The following TMEM132D variants were observed in gnomAD, a reference collection of about 807,000 sequenced individuals.
The protein encoded by TMEM132D is transmembrane protein 132D.
A neutral mutation model predicts 62.3 loss-of-function variants in TMEM132D; 21 were observed. The ratio of observed to expected loss-of-function variants is 0.34; its 90% CI spans 0.24 to 0.49. The LOEUF is 0.49. Among genes scored for constraint, TMEM132D ranks in the 20% least tolerant of loss-of-function variants. The pLI is 0.99. For missense variants in TMEM132D, 1,346 were observed against 1,402.8 expected (o/e 0.96, Z 0.65); for synonymous variants, 621 against 575.6 (o/e 1.08, Z -1.13).
chr12:129,746,595 G>A (rs1869786253), intron 1 of TMEM132D, among the ~76,000 whole-genome samples: 1 of 152,260 alleles, frequency 6.6e-6, no homozygotes, highest in East Asian at 1.9e-4. Context: ...TCTCAGCAAA[G>A]AAATGCTATT....
At chr12:129,648,293 G>A (rs1461366153) in intron 2 of TMEM132D, among the ~76,000 whole-genome samples, 1 of 152,022 alleles carries the variant, frequency 6.6e-6, no homozygotes, top group Non-Finnish European at 1.5e-5. Context: ...TTCAGTGCAG[G>A]AGGACAGCTT....
chr12:129,319,387 G>T (rs1437386560), intron 4 of TMEM132D, among the ~76,000 whole-genome samples: 1 of 152,184 alleles, frequency 6.6e-6, no homozygotes, highest in African/African-American at 2.4e-5. Flanking sequence ...TCCAGTGGGG[G>T]TGTGTGTTTG....
intron 1 of TMEM132D, among the ~76,000 whole-genome samples, chr12:129,896,301 C>G (rs1210044649): frequency 6.6e-6 from 1 of 152,056 alleles, no homozygotes; most frequent in East Asian, 1.9e-4. Flanking sequence ...ACTTTCCTGT[C>G]TCGTGCCTTC....
chr12:129,564,976 G>T (rs1472637314), intron 2 of TMEM132D, among the ~76,000 whole-genome samples: 1 of 152,186 alleles, frequency 6.6e-6, no homozygotes, highest in Non-Finnish European at 1.5e-5. Context: ...TATGCAGGAA[G>T]AAATGCCCCC....
At chr12:129,300,245 A>G (rs1437157562) in intron 4 of TMEM132D, among the ~76,000 whole-genome samples, 1 of 152,210 alleles carries the variant, frequency 6.6e-6, no homozygotes, top group Non-Finnish European at 1.5e-5. Flanking sequence ...ACACTCAGAG[A>G]AGTGATTAAC....
intron 3 of TMEM132D, among the ~76,000 whole-genome samples, chr12:129,443,185 G>A (rs1393403663): frequency 6.6e-6 from 1 of 152,086 alleles, no homozygotes. Flanking sequence ...TTGCTTCCAA[G>A]GGTAAAACCC....
intron 2 of TMEM132D, among the ~76,000 whole-genome samples, chr12:129,673,440 A>C (rs190985119): frequency 9.1e-4 from 139 of 152,322 alleles, no homozygotes; most frequent in Middle Eastern, 3.4e-3. Context: ...TCAATCATAA[A>C]AACTTTTTAC....
intron 3 of TMEM132D, among the ~76,000 whole-genome samples, chr12:129,351,505 G>C (rs1249296631): frequency 6.6e-6 from 1 of 152,168 alleles, no homozygotes; most frequent in Non-Finnish European, 1.5e-5. Context: ...TTTAACAGCG[G>C]CCCAAGAGGG....
intron 2 of TMEM132D, among the ~76,000 whole-genome samples, chr12:129,648,421 A>G (rs1379935659): frequency 6.6e-6 from 1 of 152,182 alleles, no homozygotes; most frequent in Admixed American, 6.5e-5. Context: ...AGACTGATTT[A>G]AGTAATAATA....
chr12:129,885,886 C>T (rs1874736601), intron 1 of TMEM132D, among the ~76,000 whole-genome samples: 1 of 152,168 alleles, frequency 6.6e-6, no homozygotes, highest in Non-Finnish European at 1.5e-5. Context: ...TTACTTTGTT[C>T]CATTTTCTCC....
chr12:129,793,723 T>C (rs748063764), intron 1 of TMEM132D, among the ~76,000 whole-genome samples: 32 of 152,342 alleles, frequency 2.1e-4, no homozygotes, highest in Non-Finnish European at 2.6e-4. Flanking sequence ...TTTAAAATTT[T>C]TGTACCATTT....
intron 3 of TMEM132D, among the ~76,000 whole-genome samples, chr12:129,383,158 G>A (rs929657505): frequency 9.9e-5 from 15 of 152,174 alleles, no homozygotes; most frequent in Admixed American, 2.6e-4. Context: ...ACTGTCGTGT[G>A]CACCATCAAC....
At chr12:129,437,051 A>G (rs1872805437) in intron 3 of TMEM132D, among the ~76,000 whole-genome samples, 1 of 152,028 alleles carries the variant, frequency 6.6e-6, no homozygotes, top group South Asian at 2.1e-4. Context: ...AACCTCTTGG[A>G]TTTAAGTTGG....
intron 2 of TMEM132D, among the ~76,000 whole-genome samples, chr12:129,695,774 C>T (rs977357885): frequency 2.0e-5 from 3 of 152,180 alleles, no homozygotes; most frequent in East Asian, 3.9e-4. Context: ...GTGCGGATAA[C>T]GAGAGGAACT....
At chr12:129,707,509 G>A (rs1705104) in intron 1 of TMEM132D, among the ~76,000 whole-genome samples, 144,979 of 152,218 alleles carry the variant, frequency 0.95, 69,417 homozygotes, top group East Asian at 1. Context: ...TGGTAACTGC[G>A]CTCTCAATTT....
At chr12:129,881,356 T>A (rs1396487376) in intron 1 of TMEM132D, among the ~76,000 whole-genome samples, 1 of 151,940 alleles carries the variant, frequency 6.6e-6, no homozygotes, top group Non-Finnish European at 1.5e-5. Flanking sequence ...CTCATCTAAT[T>A]GACATTTACA....
At chr12:129,079,619 CTCTTT>C (rs908860061) in intron 7 of TMEM132D, among the ~76,000 whole-genome samples, 6 of 152,200 alleles carry the variant, frequency 3.9e-5, no homozygotes, top group African/African-American at 1.4e-4. Flanking sequence ...CGACCTCTTT[CTCTTT>C]TCAAGTTTTT....
chr12:129,271,513 T>G (rs1409977276), intron 4 of TMEM132D, among the ~76,000 whole-genome samples: 1 of 151,678 alleles, frequency 6.6e-6, no homozygotes, highest in Non-Finnish European at 1.5e-5. Flanking sequence ...ATCTAGGTTT[T>G]AAGCTCCACA....
chr12:129,829,865 C>T (rs139426707), intron 1 of TMEM132D, among the ~76,000 whole-genome samples: 79 of 152,264 alleles, frequency 5.2e-4, no homozygotes, highest in African/African-American at 1.7e-3. Context: ...TCAATTAGAA[C>T]GACTCACCCA....
Sources: allele counts gnomAD v4.1 joint callset (sites outside exome capture counted in the v4.1 genomes callset), GRCh38; gene constraint gnomAD v4.1.1; transcripts MANE v1.5; gene names NCBI Gene and HGNC (gene_info 2026-07-23, HGNC 2026-07-21).